Variants in ADGRF3 observed in about 807,000 individuals in gnomAD.
The protein encoded by ADGRF3 is adhesion G protein-coupled receptor F3.
A neutral mutation model predicts 93.2 loss-of-function variants in ADGRF3; 85 were observed. That is an observed-to-expected ratio of 0.91 (90% CI 0.77 to 1.09). ADGRF3 has a LOEUF of 1.09. Ranked by LOEUF, ADGRF3 falls within the 50% of genes least tolerant of loss-of-function variation. The probability of loss-of-function intolerance (pLI) is 0.00; values close to 1 mark genes in which losing one functional copy is unlikely to be tolerated. For synonymous variants in ADGRF3, 534 were observed against 532.5 expected (o/e 1.00, Z -0.04); for missense variants, 1,125 against 1,246.2 (o/e 0.90, Z 1.46).
chr2:26,334,323 C>A (rs1184799144), intron 1 of ADGRF3, among the ~76,000 whole-genome samples: 1 of 151,480 alleles, frequency 6.6e-6, no homozygotes, highest in Non-Finnish European at 1.5e-5. Flanking sequence ...TAAAAAACCA[C>A]CCACAATGCT....
In ADGRF3 at chr2:26,317,514, G is replaced by T. The variant is rs144194292; in HGVS notation, c.163C>A (p.Gln55Lys). The change falls in exon 2 of 14, where the codon CAA (glutamine) becomes AAA (lysine). Residue 55 changes from glutamine to lysine, a missense_variant. By Grantham distance (53) the Gln-to-Lys change is moderately conservative. Coordinates refer to ENST00000651242, the MANE Select transcript of ADGRF3 (RefSeq NM_001321971.2). Reference protein sequence around the residue: ...GESGSGQLLDQENGAGESALV... With the variant: ...GESGSGQLLDKENGAGESALV... ...CACTCACCCCCTGCTCCATTCTCTT[G>T]GTCCAGGAGCTGCCCAGATCCAGAT... The T allele has an allele frequency of 1.3e-6, 2 of 1,591,166 alleles. No homozygotes were observed.
chr2:26,324,182 T>C (rs1355560156), intron 1 of ADGRF3, among the ~76,000 whole-genome samples: 1 of 151,746 alleles, frequency 6.6e-6, no homozygotes, highest in Non-Finnish European at 1.5e-5. Flanking sequence ...GCCCAGGAGG[T>C]CAAAGCCACA....
At chr2:26,312,875 G>C (rs764788669) in intron 9 of ADGRF3, 68 bp downstream of exon 9, 16 of 1,430,256 alleles carry the variant, frequency 1.1e-5, no homozygotes, top group Non-Finnish European at 1.4e-5. Context: ...GGACAGAAAT[G>C]CCCACAGGTG....
intron 1 of ADGRF3, among the ~76,000 whole-genome samples, chr2:26,341,247 C>T (rs1044190139): frequency 1.3e-5 from 2 of 152,144 alleles, no homozygotes; most frequent in African/African-American, 2.4e-5. Flanking sequence ...GGCATGGTGG[C>T]GGGCGCCTGT....
Position 26,309,063 on chromosome 2 carries a change from A to C in ADGRF3, c.*23T>G, listed in dbSNP as rs928863476. Reference sequence around the variant, plus strand: ...AAGCACACAGCCTCAACTCCCTTGCAGGAACATGGGTCCGTGTGTGGTTCA... The same window carrying C: ...AAGCACACAGCCTCAACTCCCTTGCCGGAACATGGGTCCGTGTGTGGTTCA... On this transcript the variant is annotated 3_prime_UTR_variant, in exon 14 of 14. Coordinates refer to ENST00000651242, the MANE Select transcript of ADGRF3 (RefSeq NM_001321971.2). 1 of 1,614,040 alleles carries C rather than the reference A, an allele frequency of 6.2e-7. No individual in the cohort carries two copies. Among genetic ancestry groups the C allele is most frequent in the Non-Finnish European group, 8.5e-7 (1 of 1,179,894 alleles).
Position 26,309,081 on chromosome 2 carries a change from G to A in ADGRF3, c.*5C>T. ...CCCTTGCAGGAACATGGGTCCGTGT[G>A]TGGTTCACTCTGAAGCATCTGTCTT... On this transcript the variant is annotated 3_prime_UTR_variant, in exon 14 of 14. Transcript: ENST00000651242. 2 of 1,614,038 alleles carry A rather than the reference G, an allele frequency of 1.2e-6. No homozygotes were observed.
In ADGRF3 at chr2:26,313,739, T is replaced by C; in HGVS notation, c.1072+21A>G. 4 of 1,612,984 alleles carry C rather than the reference T, an allele frequency of 2.5e-6. No individual in the cohort carries two copies. In the East Asian group the frequency reaches 6.7e-5, roughly 27 times the overall value. ...AGGCAAGCAGCTGGGACCAGCCCAC[T>C]GGGCCCCAGGCCCTGCGTACCCTGG... is the stretch of plus-strand genomic sequence containing the variant. On this transcript the variant is annotated intron_variant, in intron 7 of 13. Coordinates refer to ENST00000651242, the MANE Select transcript of ADGRF3 (RefSeq NM_001321971.2).
intron 1 of ADGRF3, among the ~76,000 whole-genome samples, chr2:26,322,704 AAATC>A (rs796430626): frequency 6.6e-6 from 1 of 152,200 alleles, no homozygotes; most frequent in Non-Finnish European, 1.5e-5. Flanking sequence ...TATTTGTATC[AAATC>A]AATCAATCAA....
rs1574707085 is a variant in ADGRF3, at chr2:26,315,843, C to T, written c.500-103G>A. On this transcript the variant is annotated intron_variant, in intron 4 of 13. Coordinates refer to ENST00000651242, the MANE Select transcript of ADGRF3 (RefSeq NM_001321971.2). The stretch of plus-strand genomic sequence containing the variant: ...CCTGACTCTGGAGCCCATTCCTCCA[C>T]ACTCCCTCCCTAGCTTTTTAACTTT... The T allele has an allele frequency of 5.4e-6, 8 of 1,478,860 alleles. No individual in the cohort carries two copies. In the South Asian group the frequency reaches 9.1e-5, roughly 17 times the overall value. The allele number at this position is 1,478,860 out of a possible 1,614,324, so 91.6% of individuals were successfully genotyped here.
At chr2:26,314,036 G>A (rs947827618) in intron 6 of ADGRF3, 133 bp from the exon 7 acceptor site, 10 of 1,108,476 alleles carry the variant, frequency 9.0e-6, no homozygotes, top group South Asian at 8.7e-5. Context: ...GCCAAATGAT[G>A]TGTGGGCTCC....
At chr2:26,341,014 A>T (rs1478466899) in intron 1 of ADGRF3, among the ~76,000 whole-genome samples, 1 of 152,100 alleles carries the variant, frequency 6.6e-6, no homozygotes, top group Non-Finnish European at 1.5e-5. Context: ...GAATGTTTAA[A>T]CTGTCTCTAG....
intron 1 of ADGRF3, among the ~76,000 whole-genome samples, chr2:26,332,004 C>T (rs549233532): frequency 2.6e-5 from 4 of 152,220 alleles, no homozygotes; most frequent in Admixed American, 1.3e-4. Flanking sequence ...ATAATTATCT[C>T]ATTTGAACTC....
rs1052851768 is a variant in ADGRF3, at chr2:26,309,265, C to T, written c.2994-158G>A. On this transcript the variant is annotated intron_variant, in intron 13 of 13. Coordinates refer to ENST00000651242, the MANE Select transcript of ADGRF3 (RefSeq NM_001321971.2). The stretch of plus-strand genomic sequence containing the variant: ...ATGTGAAAAGGAATTTTCAGAGAAA[C>T]CAAGTCAAGGACTGGTGGTGGTGAA... The T allele has an allele frequency of 1.9e-5, 30 of 1,578,756 alleles. No homozygotes were observed. In the South Asian group the frequency reaches 3.2e-4, roughly 17 times the overall value.
intron 1 of ADGRF3, chr2:26,345,669 C>T (rs1436432352): frequency 1.3e-5 from 2 of 158,342 alleles, no homozygotes; most frequent in Non-Finnish European, 2.8e-5. Context: ...AGACCTCCTT[C>T]CTCTTTTACT....
At chr2:26,318,105 C>A in intron 1 of ADGRF3, 1 of 1,546,982 alleles carries the variant, frequency 6.5e-7, no homozygotes, top group Non-Finnish European at 8.7e-7. Flanking sequence ...GGGGATGGGG[C>A]AGGCAGGGAA....
chr2:26,312,218 G>C, intron 9 of ADGRF3, 144 bp from the exon 10 acceptor site: 1 of 820,652 alleles, frequency 1.2e-6, no homozygotes, highest in East Asian at 2.6e-5. Flanking sequence ...GAGGAAGACA[G>C]GCCTGTGAAG....
chr2:26,324,829 G>A (rs749624988), intron 1 of ADGRF3, among the ~76,000 whole-genome samples: 3 of 152,166 alleles, frequency 2.0e-5, no homozygotes, highest in Non-Finnish European at 4.4e-5. Flanking sequence ...ATACCTTTGG[G>A]TATAGACCCA....
At chr2:26,317,822 C>T (rs536431106) in intron 1 of ADGRF3, among the ~76,000 whole-genome samples, 2 of 152,318 alleles carry the variant, frequency 1.3e-5, no homozygotes, top group Non-Finnish European at 2.9e-5. Context: ...TTCCTTCCTG[C>T]GTTTACCTGT....
chr2:26,341,305 G>C (rs970929698), intron 1 of ADGRF3, among the ~76,000 whole-genome samples: 4 of 152,202 alleles, frequency 2.6e-5, no homozygotes, highest in African/African-American at 9.7e-5. Flanking sequence ...TTGAACCCAG[G>C]AGGCAGAGGT....
Sources: allele counts gnomAD v4.1 joint callset (sites outside exome capture counted in the v4.1 genomes callset), GRCh38; gene constraint gnomAD v4.1.1; transcripts MANE v1.5; gene names NCBI Gene and HGNC (gene_info 2026-07-23, HGNC 2026-07-21).